MED26: variants seen among roughly 807,000 people sequenced by gnomAD.
MED26 encodes mediator complex subunit 26.
Under a neutral mutation model 43.7 loss-of-function variants are expected in MED26, and 7 were observed. The ratio of observed to expected loss-of-function variants is 0.16; its 90% CI spans 0.09 to 0.30. The LOEUF is 0.30. Ranked by LOEUF, MED26 falls within the 10% of genes least tolerant of loss-of-function variation. The probability of loss-of-function intolerance (pLI) is 1.00; values close to 1 mark genes in which losing one functional copy is unlikely to be tolerated. For synonymous variants in MED26, 375 were observed against 371.1 expected (o/e 1.01, Z -0.12); for missense variants, 784 against 840.6 (o/e 0.93, Z 0.83).
intron 1 of MED26, among the ~76,000 whole-genome samples, chr19:16,598,850 A>G (rs144785134): frequency 1.3e-5 from 2 of 152,334 alleles, no homozygotes; most frequent in East Asian, 3.9e-4. Flanking sequence ...TAATGAGTTC[A>G]CTGGCTGCTG....
rs111529130 is a variant in MED26, at chr19:16,591,459, T to G, written c.73-13050A>C. Reference sequence around the variant, plus strand: ...ACAAACACTTGTGCACTGCACTGATTAGGCATCCTAATTGTAGCTTTGGAA... The same window carrying G: ...ACAAACACTTGTGCACTGCACTGATGAGGCATCCTAATTGTAGCTTTGGAA... On this transcript the variant is annotated intron_variant, in intron 1 of 2. Coordinates refer to ENST00000263390, the MANE Select transcript of MED26 (RefSeq NM_004831.5). Among the ~76,000 whole-genome samples the G allele has an allele frequency of 1.8e-3, 270 of 152,326 alleles. 1 individual carries two copies. The highest frequency in any genetic ancestry group is 6.1e-3 in the African/African-American group (252 of 41,568).
chr19:16,597,873 C>G lies in MED26; in HGVS notation c.73-19464G>C, dbSNP rs543378093. 1.6e-4 allele frequency among the ~76,000 whole-genome samples: 25 copies of G among 152,272 alleles called. 1 individual carries two copies. Among genetic ancestry groups the G allele is most frequent in the African/African-American group, 5.8e-4 (24 of 41,574 alleles). On this transcript the variant is annotated intron_variant, in intron 1 of 2. Transcript: ENST00000263390. ...AAGCAGCTGGGATTACAGGTGTGCA[C>G]CACCTTGCCCGGCTAATTTTTTTGT...
chr19:16,603,482 C>A (rs150734400), intron 1 of MED26, among the ~76,000 whole-genome samples: 15 of 152,222 alleles, frequency 9.9e-5, no homozygotes, highest in Non-Finnish European at 1.5e-4. Flanking sequence ...AAAAAAAATT[C>A]TTCCCTTCTT....
chr19:16,575,387 G>C lies in MED26; in HGVS notation c.*640C>G, dbSNP rs1248692422. On this transcript the variant is annotated 3_prime_UTR_variant, in exon 3 of 3. Coordinates refer to ENST00000263390, the MANE Select transcript of MED26 (RefSeq NM_004831.5). ...AAAAACTGGGTTATAACTGAAACCA[G>C]ATATAAACAGGTGGCTGCCCATGGA... 2 of 152,786 alleles carry C rather than the reference G, an allele frequency of 1.3e-5. No homozygotes were observed. Among genetic ancestry groups the C allele is most frequent in the Non-Finnish European group, 2.9e-5 (2 of 68,118 alleles). 9.5% of individuals were successfully genotyped at this position (152,786 alleles called of 1,614,324 possible).
At chr19:16,583,688 C>A (rs1381335995) in intron 1 of MED26, among the ~76,000 whole-genome samples, 3 of 152,154 alleles carry the variant, frequency 2.0e-5, no homozygotes, top group Non-Finnish European at 2.9e-5. Context: ...GCAGGTCCAG[C>A]CCAGCCGCCT....
intron 1 of MED26, among the ~76,000 whole-genome samples, chr19:16,625,625 G>A (rs1391097761): frequency 6.6e-6 from 1 of 152,040 alleles, no homozygotes; most frequent in Non-Finnish European, 1.5e-5. Flanking sequence ...GGGCAGAGAG[G>A]AGAGAGCGGC....
chr19:16,581,287 G>A (rs542883206), intron 1 of MED26, among the ~76,000 whole-genome samples: 14 of 152,216 alleles, frequency 9.2e-5, no homozygotes, highest in Non-Finnish European at 1.8e-4. Context: ...CGGGTGATAT[G>A]AGGGGAGATA....
rs1862517 is a variant in MED26 at position 16,596,991 on chromosome 19, A to G, written c.73-18582T>C. On this transcript the variant is annotated intron_variant, in intron 1 of 2. Transcript: ENST00000263390. ...GACCACCACTCCATCACGAAGTCCT[A>G]TATCTCACAGACCACGCCCACATGG... Among the ~76,000 whole-genome samples the G allele has an allele frequency of 7.7e-3, 1,170 of 152,300 alleles. 14 individuals are homozygous for G. Among genetic ancestry groups the G allele is most frequent in the African/African-American group, 0.027 (1,102 of 41,562 alleles).
At chr19:16,583,399 C>T (rs1018686801) in intron 1 of MED26, among the ~76,000 whole-genome samples, 2 of 152,170 alleles carry the variant, frequency 1.3e-5, no homozygotes, top group African/African-American at 4.8e-5. Context: ...CGAAGACAGG[C>T]GTTGCCTCCC....
chr19:16,577,810 T>C lies in MED26; in HGVS notation c.148-128A>G. ...TCCCACTGAGCCCTAAACTGCCAGC[T>C]TCCCTGACACAAAACTTCTGGGGAT... On this transcript the variant is annotated intron_variant, in intron 2 of 2. Transcript: ENST00000263390. The surrounding 1 kb of genome is among the most constrained non-coding windows in gnomAD (Gnocchi z 8.1). 1 of 638,954 alleles carries C rather than the reference T, an allele frequency of 1.6e-6. No individual in the cohort carries two copies. Among genetic ancestry groups the C allele is most frequent in the Non-Finnish European group, 2.6e-6 (1 of 384,766 alleles). The allele number at this position is 638,954 out of a possible 1,614,324, so 39.6% of individuals were successfully genotyped here.
At chr19:16,611,099 G>C (rs1351076190) in intron 1 of MED26, 1 of 152,452 alleles carries the variant, frequency 6.6e-6, no homozygotes, top group Non-Finnish European at 1.5e-5. Context: ...ACAGGACCAA[G>C]AGGGAAATGG....
At chr19:16,579,204 G>GC (rs2122380060) in intron 1 of MED26, among the ~76,000 whole-genome samples, 1 of 152,272 alleles carries the variant, frequency 6.6e-6, no homozygotes, top group South Asian at 2.1e-4. Context: ...TAGGCCACAG[G>GC]CCCCCAAGGA....
At chr19:16,602,210 A>G (rs557259742) in intron 1 of MED26, among the ~76,000 whole-genome samples, 12 of 152,354 alleles carry the variant, frequency 7.9e-5, no homozygotes, top group South Asian at 4.1e-4. Context: ...ATCACTGACC[A>G]TGAGGGAAAA....
rs1455641371 is a variant in MED26, at chr19:16,628,160, A to G, written c.-217T>C. The G allele has an allele frequency of 8.3e-6, 3 of 362,606 alleles. No homozygotes were observed. The highest frequency in any genetic ancestry group is 1.5e-5 in the Non-Finnish European group (3 of 205,298). 22.5% of individuals were successfully genotyped at this position (362,606 alleles called of 1,614,324 possible). ...CCAAAGGAGGAGGAGGAGCCGCCGG[A>G]GCCGCCGCCGCTCGCTGCCGCCGCC... On this transcript the variant is annotated 5_prime_UTR_variant, in exon 1 of 3. Coordinates refer to ENST00000263390, the MANE Select transcript of MED26 (RefSeq NM_004831.5).
At chr19:16,585,683 G>A (rs554752573) in intron 1 of MED26, among the ~76,000 whole-genome samples, 2 of 152,208 alleles carry the variant, frequency 1.3e-5, no homozygotes, top group Non-Finnish European at 2.9e-5. Context: ...GTGAAACCCA[G>A]TGACACCTCT....
At chr19:16,588,871 C>T (rs2086083303) in intron 1 of MED26, 2 of 152,238 alleles carry the variant, frequency 1.3e-5, no homozygotes, top group South Asian at 4.1e-4. Context: ...TTCTAGAATT[C>T]CCCGAGACAA....
chr19:16,615,324 T>C (rs1273825307), intron 1 of MED26, among the ~76,000 whole-genome samples: 1 of 152,196 alleles, frequency 6.6e-6, no homozygotes, highest in African/African-American at 2.4e-5. Flanking sequence ...AAGGGCTACC[T>C]GACCCAGAGC....
intron 1 of MED26, among the ~76,000 whole-genome samples, chr19:16,592,246 G>C (rs1344395621): frequency 2.0e-5 from 3 of 152,222 alleles, no homozygotes; most frequent in Non-Finnish European, 4.4e-5. Context: ...TGTAAACCCT[G>C]AGGGGGTGTG....
intron 1 of MED26, among the ~76,000 whole-genome samples, chr19:16,592,830 TC>T: frequency 6.6e-6 from 1 of 152,306 alleles, no homozygotes; most frequent in South Asian, 2.1e-4. Flanking sequence ...ATGATGGCTG[TC>T]TTGGTTCCAA....
Sources: gnomAD v4.1 joint callset for allele counts (sites outside exome capture counted in the v4.1 genomes callset) on GRCh38, gnomAD v4.1.1 for gene constraint, Gnocchi (gnomAD v3.1) non-coding constraint, MANE v1.5 for transcripts, NCBI Gene and HGNC (gene_info 2026-07-23, HGNC 2026-07-21) for gene names.